Variants in TFEC observed in about 807,000 individuals in gnomAD.
TFEC encodes transcription factor EC, also known as class E basic helix-loop-helix protein 34.
In TFEC, 31 loss-of-function variants were observed where a neutral mutation model predicts 41.6. The ratio of observed to expected loss-of-function variants is 0.74; its 90% CI spans 0.56 to 1.01. The LOEUF (loss-of-function observed/expected upper bound fraction) is 1.01, where lower values mean the gene tolerates loss of function less well. Among genes scored for constraint, TFEC ranks in the 50% least tolerant of loss-of-function variants. The pLI is 0.00. For missense variants in TFEC, 402 were observed against 404.1 expected (o/e 0.99, Z 0.04); for synonymous variants, 143 against 140.6 (o/e 1.02, Z -0.12).
chr7:116,010,928 A>T (rs1207128412), intron 1 of TFEC, among the ~76,000 whole-genome samples: 2 of 152,152 alleles, frequency 1.3e-5, no homozygotes, highest in East Asian at 3.8e-4. Flanking sequence ...TCCTAATCCA[A>T]CACTATTATA....
At chr7:116,104,969 C>T (rs1268717770) in intron 3 of TFEC, among the ~76,000 whole-genome samples, 2 of 152,088 alleles carry the variant, frequency 1.3e-5, no homozygotes, top group African/African-American at 4.8e-5. Context: ...TTTTCACTGC[C>T]TTCTCATGTT....
intron 3 of TFEC, among the ~76,000 whole-genome samples, chr7:116,084,106 C>T (rs186707178): frequency 6.6e-6 from 1 of 151,904 alleles, no homozygotes; most frequent in African/African-American, 2.4e-5. Context: ...ATTGCACAAA[C>T]CGTCTTTCTT....
chr7:116,069,294 G>A (rs1423526183), intron 3 of TFEC, among the ~76,000 whole-genome samples: 1 of 151,482 alleles, frequency 6.6e-6, no homozygotes, highest in Admixed American at 6.6e-5. Context: ...AAGAGATAAT[G>A]AGAGTATTAT....
chr7:116,064,714 T>TA (rs1382482667), intron 3 of TFEC, among the ~76,000 whole-genome samples: 7 of 151,408 alleles, frequency 4.6e-5, no homozygotes, highest in African/African-American at 9.7e-5. Context: ...AAAGTAAAAT[T>TA]AAAAAAAAGA....
chr7:116,132,249 C>T (rs150953243), intron 1 of TFEC, among the ~76,000 whole-genome samples: 324 of 152,292 alleles, frequency 2.1e-3, no homozygotes, highest in Non-Finnish European at 3.4e-3. Flanking sequence ...CCTAACTCTA[C>T]CATAAACCAT....
At chr7:116,120,070 TAAAG>T (rs1798077898) in intron 1 of TFEC, 1 of 151,750 alleles carries the variant, frequency 6.6e-6, no homozygotes, top group African/African-American at 2.4e-5. Flanking sequence ...TTCGGTAAGA[TAAAG>T]AAAACTGATG....
chr7:116,114,236 C>T (rs1277434363), intron 1 of TFEC, among the ~76,000 whole-genome samples: 3 of 151,900 alleles, frequency 2.0e-5, no homozygotes, highest in African/African-American at 7.2e-5. Context: ...GCGAAAAACA[C>T]ACAATATTTC....
chr7:115,968,903 A>G (rs977017568), intron 3 of TFEC, among the ~76,000 whole-genome samples: 2 of 151,876 alleles, frequency 1.3e-5, no homozygotes, highest in African/African-American at 4.8e-5. Context: ...AGGCAATAAC[A>G]GTCTCTATCT....
intron 3 of TFEC, among the ~76,000 whole-genome samples, chr7:115,959,422 C>G (rs116843770): frequency 2.0e-5 from 3 of 151,680 alleles, no homozygotes; most frequent in African/African-American, 7.3e-5. Flanking sequence ...CACATCTCCA[C>G]GCTGAAGTCA....
At chr7:115,954,145 T>G (rs926925005) in intron 5 of TFEC, among the ~76,000 whole-genome samples, 22 of 151,896 alleles carry the variant, frequency 1.4e-4, no homozygotes, top group African/African-American at 4.1e-4. Context: ...AATTCAGCAC[T>G]GCAACACAGC....
intron 1 of TFEC, among the ~76,000 whole-genome samples, chr7:116,133,938 CA>C (rs900567210): frequency 9.3e-5 from 14 of 150,802 alleles, no homozygotes; most frequent in Non-Finnish European, 1.5e-4. Context: ...ATAGCAACAA[CA>C]AAAAAAAATT....
intron 2 of TFEC, among the ~76,000 whole-genome samples, 187 bp downstream of exon 2, chr7:115,984,075 T>C (rs1793742574): frequency 6.6e-6 from 1 of 152,182 alleles, no homozygotes; most frequent in Non-Finnish European, 1.5e-5. Context: ...CAAGAATTTT[T>C]ATAATTTATT....
intron 3 of TFEC, among the ~76,000 whole-genome samples, chr7:116,067,047 T>C (rs1174072166): frequency 6.6e-6 from 1 of 152,032 alleles, no homozygotes; most frequent in Non-Finnish European, 1.5e-5. Flanking sequence ...TGGAAAAATA[T>C]ATTTTAATTA....
intron 3 of TFEC, among the ~76,000 whole-genome samples, chr7:116,045,185 T>A (rs1273152944): frequency 6.6e-6 from 1 of 152,212 alleles, no homozygotes; most frequent in Non-Finnish European, 1.5e-5. Context: ...GTTGACCAAA[T>A]GCCTGATAAC....
At chr7:116,036,614 A>G (rs1178597484) in intron 3 of TFEC, among the ~76,000 whole-genome samples, 3 of 152,124 alleles carry the variant, frequency 2.0e-5, no homozygotes, top group Non-Finnish European at 4.4e-5. Flanking sequence ...TTTATTCATT[A>G]ATTAATAAGC....
At chr7:116,027,254 A>C (rs892998489) in intron 1 of TFEC, among the ~76,000 whole-genome samples, 1 of 152,072 alleles carries the variant, frequency 6.6e-6, no homozygotes, top group Non-Finnish European at 1.5e-5. Flanking sequence ...TGCAAGTGGA[A>C]AACAAGATAT....
chr7:115,955,684 G>A (rs958231676), intron 4 of TFEC, among the ~76,000 whole-genome samples: 1 of 151,968 alleles, frequency 6.6e-6, no homozygotes, highest in African/African-American at 2.4e-5. Flanking sequence ...GATTATAAAT[G>A]TTTATTACTT....
At chr7:116,138,017 T>C (rs1047104067) in intron 1 of TFEC, among the ~76,000 whole-genome samples, 4 of 152,098 alleles carry the variant, frequency 2.6e-5, no homozygotes, top group Non-Finnish European at 4.4e-5. Context: ...ACTTTATATG[T>C]GAAAGTAAAG....
At chr7:116,009,724 T>G (rs1794928692) in intron 1 of TFEC, among the ~76,000 whole-genome samples, 2 of 152,092 alleles carry the variant, frequency 1.3e-5, no homozygotes, top group South Asian at 4.1e-4. Context: ...ATTCACTGAT[T>G]GATTCATTTA....
Sources: allele counts gnomAD v4.1 joint callset (sites outside exome capture counted in the v4.1 genomes callset), GRCh38; gene constraint gnomAD v4.1.1; transcripts MANE v1.5; gene names NCBI Gene and HGNC (gene_info 2026-07-23, HGNC 2026-07-21).